The following POU2F3 variants were observed in gnomAD, a reference collection of about 807,000 sequenced individuals.
POU2F3 encodes the protein POU class 2 homeobox 3.
Under a neutral mutation model 59.2 loss-of-function variants are expected in POU2F3, and 23 were observed. That is an observed-to-expected ratio of 0.39 (90% CI 0.28 to 0.55). POU2F3 has a LOEUF of 0.55. Among genes scored for constraint, POU2F3 ranks in the 20% least tolerant of loss-of-function variants. POU2F3 has a pLI of 0.66. For synonymous variants in POU2F3, 190 were observed against 214.6 expected, an observed-to-expected ratio of 0.89 and a Z score of 1.00; for missense variants, 473 against 544.5, an observed-to-expected ratio of 0.87 and a Z score of 1.31.
rs116180422 is a variant in POU2F3 at position 120,249,143 on chromosome 11, C to T, written c.97+2626C>T. ...GCTGGTGGAGACGTGGCCGGGGGCACATGTTTTCCTTTCTTTGGCCTGTGA... is the reference window on the plus strand; with the variant it reads ...GCTGGTGGAGACGTGGCCGGGGGCATATGTTTTCCTTTCTTTGGCCTGTGA... On this transcript the variant is annotated intron_variant, in intron 2 of 12. Coordinates refer to ENST00000543440, the MANE Select transcript of POU2F3 (RefSeq NM_014352.4). 7.6e-3 allele frequency among the ~76,000 whole-genome samples: 1,156 copies of T among 152,226 alleles called. 24 individuals carry two copies. The highest frequency in any genetic ancestry group is 0.026 in the African/African-American group (1,085 of 41,518).
At chr11:120,280,062 G>T (rs1940500628) in intron 3 of POU2F3, among the ~76,000 whole-genome samples, 1 of 152,224 alleles carries the variant, frequency 6.6e-6, no homozygotes, top group Non-Finnish European at 1.5e-5. Context: ...TCTCTCTGGA[G>T]ATTTCAGTGA....
At chr11:120,265,439 G>C (rs1343183889) in intron 2 of POU2F3, 2 of 152,208 alleles carry the variant, frequency 1.3e-5, no homozygotes, top group Admixed American at 1.3e-4. Context: ...CCTTCATTGT[G>C]CCTGGGAACA....
chr11:120,241,199 A>C (rs1355168095), intron 1 of POU2F3, among the ~76,000 whole-genome samples: 2 of 152,220 alleles, frequency 1.3e-5, no homozygotes, highest in Admixed American at 1.3e-4. Context: ...CAAGTGAAGA[A>C]AGCGGTACCT....
Position 120,298,319 on chromosome 11 carries a change from T to A in POU2F3, c.187T>A (p.Cys63Ser). 6.2e-7 allele frequency: 1 copy of A among 1,613,794 alleles called. No individual in the cohort carries two copies. The highest frequency in any genetic ancestry group is 1.1e-5 in the South Asian group (1 of 91,004). ...SLQQTLSHRP[C>S]HLSQGPAMMS... ...GCAGCAGACCCTCTCCCATCGGCCA[T>A]GCCACCTGAGTCAAGGACCTGCCAT... Residue 63 changes from cysteine (C) to serine (S), a missense_variant, in exon 4 of 13, where the codon TGC becomes AGC. Cys to Ser is a moderately radical substitution (Grantham distance 112). Transcript: ENST00000543440.
chr11:120,308,649 C>G (rs944677333), intron 9 of POU2F3, among the ~76,000 whole-genome samples: 1 of 151,930 alleles, frequency 6.6e-6, no homozygotes, highest in Non-Finnish European at 1.5e-5. Context: ...GAAGAAATGA[C>G]AAGGCAGGCC....
In POU2F3 at chr11:120,307,506, G is replaced by A. The variant is rs371185538; in HGVS notation, c.797G>A (p.Ser266Asn). 16 of 1,614,068 alleles carry A rather than the reference G, an allele frequency of 9.9e-6. No homozygotes were observed. The African/African-American group carries it at 1.7e-4, about 18-fold the overall frequency. ...AESSPSDPSV[S>N]TPSSYPSLSE... Reference sequence around the variant, plus strand: ...TCCTCTCCGTCAGACCCCTCAGTGAGCACGCCCAGCTCCTACCCCAGCCTC... The same window carrying A: ...TCCTCTCCGTCAGACCCCTCAGTGAACACGCCCAGCTCCTACCCCAGCCTC... The change falls in exon 9 of 13, where the codon AGC becomes AAC. Residue 266 changes from serine (S) to asparagine (N), a missense_variant. Coordinates refer to ENST00000543440, the MANE Select transcript of POU2F3 (RefSeq NM_014352.4).
At chr11:120,316,739 TAGTTTCTAGAAAACC>T (rs1941798089) in intron 11 of POU2F3, among the ~76,000 whole-genome samples, 1 of 152,256 alleles carries the variant, frequency 6.6e-6, no homozygotes, top group African/African-American at 2.4e-5. Context: ...TTCATTACTC[TAGTTTCTAGAAAACC>T]AAGCACCTTT....
intron 2 of POU2F3, among the ~76,000 whole-genome samples, chr11:120,268,672 T>C (rs1314208224): frequency 1.3e-5 from 2 of 152,224 alleles, no homozygotes; most frequent in Admixed American, 6.5e-5. Flanking sequence ...AGCACATATT[T>C]ACTTTTTCAG....
chr11:120,311,680 G>A (rs768186133), intron 10 of POU2F3, among the ~76,000 whole-genome samples: 17 of 152,200 alleles, frequency 1.1e-4, no homozygotes, highest in Non-Finnish European at 1.8e-4. Context: ...GAATGTCCTT[G>A]GGCACTTGAG....
At chr11:120,268,671 T>C (rs1939937142) in intron 2 of POU2F3, among the ~76,000 whole-genome samples, 2 of 152,210 alleles carry the variant, frequency 1.3e-5, no homozygotes, top group Admixed American at 6.5e-5. Context: ...AAGCACATAT[T>C]TACTTTTTCA....
upstream of POU2F3, among the ~76,000 whole-genome samples, chr11:120,239,072 G>A (rs1482826510): frequency 6.6e-6 from 1 of 152,128 alleles, no homozygotes; most frequent in Non-Finnish European, 1.5e-5. Flanking sequence ...GGATGGGCGT[G>A]CCAGGGGGAA....
rs1486662438 is a variant in POU2F3, at chr11:120,260,511, C to T, written c.98-8699C>T. The stretch of plus-strand genomic sequence containing the variant: ...GCAGCACTTCATTGGGTATTATGGC[C>T]GTCTTGGCCTAAGGAGATTGTATTG... On this transcript the variant is annotated intron_variant, in intron 2 of 12. Transcript: ENST00000543440. Among the ~76,000 whole-genome samples, 4 of 152,330 alleles carry T rather than the reference C, an allele frequency of 2.6e-5. No individual in the cohort carries two copies. In the East Asian group the frequency reaches 5.8e-4, roughly 22 times the overall value.
intron 2 of POU2F3, among the ~76,000 whole-genome samples, chr11:120,250,933 C>T (rs564601443): frequency 1.3e-5 from 2 of 151,742 alleles, no homozygotes; most frequent in East Asian, 1.9e-4. Flanking sequence ...GCCGAGATCG[C>T]GCCACTGCAC....
chr11:120,236,987 C>G (rs1352610410), upstream of POU2F3, among the ~76,000 whole-genome samples: 1 of 152,160 alleles, frequency 6.6e-6, no homozygotes, highest in Non-Finnish European at 1.5e-5. Flanking sequence ...TCAATGATAT[C>G]TAGGTTCTTT....
intron 10 of POU2F3, among the ~76,000 whole-genome samples, chr11:120,310,270 C>T (rs1364549337): frequency 1.3e-5 from 2 of 152,090 alleles, no homozygotes; most frequent in East Asian, 1.9e-4. Context: ...GCATGATGTG[C>T]TCAGATATGG....
Position 120,240,334 on chromosome 11 carries a change from C to T in POU2F3, c.-10C>T. On this transcript the variant is annotated 5_prime_UTR_variant, in exon 1 of 13. Transcript: ENST00000543440. ...GGGGGGGCGCTGGCTTTGGCCCCGC[C>T]TGGGGCAGGATGGTGAATCTGGAGT... The T allele has an allele frequency of 7.2e-7, 1 of 1,394,216 alleles. No homozygotes were observed. The allele number at this position is 1,394,216 out of a possible 1,614,324, so 86.4% of individuals were successfully genotyped here. A position where few individuals can be genotyped will look rare whatever the true frequency, so the allele number is the denominator to read the frequency against.
At chr11:120,276,420 C>G (rs940340155) in intron 3 of POU2F3, among the ~76,000 whole-genome samples, 7 of 152,036 alleles carry the variant, frequency 4.6e-5, no homozygotes, top group African/African-American at 1.7e-4. Context: ...GGTAGTGGGT[C>G]CAATGGAGGG....
At position 120,319,252 on chromosome 11, in the gene POU2F3, C is replaced by T. The variant is rs1395220261; in HGVS notation, c.*860C>T. 3.9e-5 allele frequency: 6 copies of T among 152,470 alleles called. No individual in the cohort carries two copies. The highest frequency in any genetic ancestry group is 1.5e-4 in the African/African-American group (6 of 41,376). 9.4% of individuals were successfully genotyped at this position (152,470 alleles called of 1,614,324 possible). ...CAAAGTACCTGTATATAGCCCTTTC[C>T]CATTTTTTGCATTATGTTCTTAACT... On this transcript the variant is annotated 3_prime_UTR_variant, in exon 13 of 13. Coordinates refer to ENST00000543440, the MANE Select transcript of POU2F3 (RefSeq NM_014352.4).
chr11:120,315,492 T>A (rs1941761315), intron 11 of POU2F3, 65 bp downstream of exon 11: 1 of 1,470,952 alleles, frequency 6.8e-7, no homozygotes, highest in Non-Finnish European at 9.5e-7. Flanking sequence ...ATATTAGAAC[T>A]GAAAGGTATC....
Sources: allele counts gnomAD v4.1 joint callset (sites outside exome capture counted in the v4.1 genomes callset), GRCh38; gene constraint gnomAD v4.1.1; transcripts MANE v1.5; gene names NCBI Gene and HGNC (gene_info 2026-07-23, HGNC 2026-07-21).